BST1: variants seen among roughly 807,000 people sequenced by gnomAD.
The protein encoded by BST1 is bone marrow stromal cell antigen 1.
Under a neutral mutation model 40.6 loss-of-function variants are expected in BST1, and 49 were observed. The ratio of observed to expected loss-of-function variants is 1.21; its 90% CI spans 0.96 to 1.53. The LOEUF (loss-of-function observed/expected upper bound fraction) is 1.53, where lower values mean the gene tolerates loss of function less well. Among genes scored for constraint, BST1 ranks in the 40% most tolerant of loss-of-function variants. The probability of loss-of-function intolerance (pLI) is 0.00; values close to 1 mark genes in which losing one functional copy is unlikely to be tolerated. For missense variants in BST1, 423 were observed against 395.9 expected (o/e 1.07, Z -0.58); for synonymous variants, 157 against 159.3 (o/e 0.99, Z 0.11).
At chr4:15,751,060 C>A in the BST1 span, among the ~76,000 whole-genome samples, 2 of 152,146 alleles carry the variant, frequency 1.3e-5, no homozygotes, top group Admixed American at 6.6e-5. Flanking sequence ...ATTGAGAAGA[C>A]AGGGCTACCA....
chr4:15,703,348 G>T lies in BST1; in HGVS notation c.188+16G>T. 1.3e-6 allele frequency: 2 copies of T among 1,491,554 alleles called. No individual in the cohort carries two copies. The highest frequency in any genetic ancestry group is 1.8e-6 in the Non-Finnish European group (2 of 1,130,842). 92.4% of individuals were successfully genotyped at this position (1,491,554 alleles called of 1,614,324 possible). On this transcript the variant is annotated intron_variant, in intron 1 of 8. Transcript: ENST00000265016. ...CCGAGCAGCGGTGAGGCAGTCGGCC[G>T]GGTGGAAGGGGAGCCGGAAAGAGGC...
chr4:15,709,677 G>T (rs1339091585), intron 3 of BST1, among the ~76,000 whole-genome samples: 1 of 152,202 alleles, frequency 6.6e-6, no homozygotes, highest in Non-Finnish European at 1.5e-5. Context: ...GTTTCAGAAA[G>T]AAGTGAAGTC....
chr4:15,755,126 G>T, the BST1 span, among the ~76,000 whole-genome samples: 1 of 151,996 alleles, frequency 6.6e-6, no homozygotes, highest in African/African-American at 2.4e-5. Flanking sequence ...TTTGCAATCA[G>T]TTTCTCTTTT....
the BST1 span, among the ~76,000 whole-genome samples, chr4:15,754,277 A>G: frequency 3.3e-5 from 5 of 152,168 alleles, no homozygotes; most frequent in African/African-American, 7.2e-5. Flanking sequence ...TAGAGGCTTC[A>G]TGAGTCGCTA....
At chr4:15,726,340 G>T (rs1721112370) in intron 8 of BST1, among the ~76,000 whole-genome samples, 1 of 149,470 alleles carries the variant, frequency 6.7e-6, no homozygotes, top group African/African-American at 2.4e-5. Context: ...ATGAATGGAT[G>T]AATAGATGAA....
intron 4 of BST1, among the ~76,000 whole-genome samples, chr4:15,713,074 T>C (rs1351831652): frequency 6.6e-6 from 1 of 152,252 alleles, no homozygotes; most frequent in African/African-American, 2.4e-5. Flanking sequence ...CCACATTTTT[T>C]GAGAACTTGG....
chr4:15,726,932 G>A (rs369496225), intron 8 of BST1, among the ~76,000 whole-genome samples: 8 of 149,058 alleles, frequency 5.4e-5, no homozygotes, highest in South Asian at 2.1e-4. Context: ...GTGCAGTGGC[G>A]TGATCTCGGC....
At chr4:15,768,430 A>T in the BST1 span, among the ~76,000 whole-genome samples, 1 of 144,732 alleles carries the variant, frequency 6.9e-6, no homozygotes, top group Non-Finnish European at 1.5e-5. Context: ...ACTGTTAATG[A>T]TTGTCTGCCC....
At chr4:15,716,788 T>G (rs767404885) in intron 6 of BST1, among the ~76,000 whole-genome samples, 1 of 152,218 alleles carries the variant, frequency 6.6e-6, no homozygotes, top group African/African-American at 2.4e-5. Flanking sequence ...TTATACTTGC[T>G]TGTTGTTTTA....
the BST1 span, among the ~76,000 whole-genome samples, chr4:15,773,264 G>A: frequency 1.3e-5 from 2 of 152,230 alleles, no homozygotes; most frequent in Non-Finnish European, 2.9e-5. Flanking sequence ...GTCAAAGACT[G>A]GGAAAATTCT....
chr4:15,716,569 C>T (rs374217939), intron 6 of BST1, among the ~76,000 whole-genome samples: 6 of 152,226 alleles, frequency 3.9e-5, no homozygotes, highest in African/African-American at 1.4e-4. Flanking sequence ...CGTGTTGGCC[C>T]CCAGGACCTT....
At chr4:15,753,669 C>T in the BST1 span, among the ~76,000 whole-genome samples, 1 of 152,226 alleles carries the variant, frequency 6.6e-6, no homozygotes, top group Admixed American at 6.5e-5. Flanking sequence ...CCACCAAAGG[C>T]AATGATGGGA....
Position 15,707,796 on chromosome 4 carries a change from A to T in BST1, c.451+150A>T, listed in dbSNP as rs574450637. ...GGCAAGAATAGTTAATAATAACAAT[A>T]CTAGAGAATACTTAACTTTGCAGGT... On this transcript the variant is annotated intron_variant, in intron 3 of 8. Coordinates refer to ENST00000265016, the MANE Select transcript of BST1 (RefSeq NM_004334.3). 8.6e-5 allele frequency: 81 copies of T among 945,522 alleles called. 1 individual carries two copies. The Admixed American group carries it at 2.6e-3, about 31-fold the overall frequency. 58.6% of individuals were successfully genotyped at this position (945,522 alleles called of 1,614,324 possible). A position where few individuals can be genotyped will look rare whatever the true frequency, so the allele number is the denominator to read the frequency against.
the BST1 span, among the ~76,000 whole-genome samples, chr4:15,751,116 A>C: frequency 6.6e-6 from 1 of 152,224 alleles, no homozygotes; most frequent in Admixed American, 6.5e-5. Flanking sequence ...ACAGAGACTT[A>C]TACTAGAGCA....
intron 1 of BST1, 75 bp from the exon 2 acceptor site, chr4:15,705,440 T>C: frequency 6.8e-7 from 1 of 1,474,730 alleles, no homozygotes; most frequent in Non-Finnish European, 9.1e-7. Context: ...GTAAAGCTCT[T>C]AGACAAATGG....
chr4:15,767,784 AT>A, the BST1 span, among the ~76,000 whole-genome samples: 5 of 144,098 alleles, frequency 3.5e-5, no homozygotes, highest in African/African-American at 2.6e-5. Context: ...CTAGTTTTTA[AT>A]TTTTTTTTTA....
chr4:15,769,779 G>A, the BST1 span, among the ~76,000 whole-genome samples: 1 of 152,052 alleles, frequency 6.6e-6, no homozygotes, highest in Admixed American at 6.6e-5. Context: ...AAATGTTAGT[G>A]GTAGTTGGGC....
intron 6 of BST1, among the ~76,000 whole-genome samples, chr4:15,716,600 G>A (rs533848758): frequency 6.6e-6 from 1 of 152,046 alleles, no homozygotes; most frequent in Non-Finnish European, 1.5e-5. Context: ...CCATATAAGG[G>A]GTTATTTTTC....
chr4:15,765,263 G>C, the BST1 span, among the ~76,000 whole-genome samples: 2 of 152,020 alleles, frequency 1.3e-5, no homozygotes, highest in Non-Finnish European at 2.9e-5. Flanking sequence ...AAATCTTGGA[G>C]TTGTCTCTGA....
Sources: gnomAD v4.1 joint callset for allele counts (sites outside exome capture counted in the v4.1 genomes callset) on GRCh38, gnomAD v4.1.1 for gene constraint, MANE v1.5 for transcripts, NCBI Gene and HGNC (gene_info 2026-07-23, HGNC 2026-07-21) for gene names.